Variants in CDK5RAP2 observed in about 807,000 individuals in gnomAD.
CDK5RAP2 encodes CDK5 regulatory subunit-associated protein 2.
CDK5RAP2 carries 147 observed loss-of-function variants against 232.9 expected under a neutral mutation model. That is an observed-to-expected ratio of 0.63 (90% CI 0.55 to 0.72). The LOEUF is 0.72. CDK5RAP2 is among the 30% of genes least tolerant of loss of function. The probability of loss-of-function intolerance (pLI) is 0.00; values close to 1 mark genes in which losing one functional copy is unlikely to be tolerated. For missense variants in CDK5RAP2, 2,195 were observed against 2,231.5 expected (o/e 0.98, Z 0.33); for synonymous variants, 833 against 833.7 (o/e 1.00, Z 0.01).
intron 21 of CDK5RAP2, among the ~76,000 whole-genome samples, chr9:120,450,925 C>G (rs1041866870): frequency 7.2e-5 from 11 of 152,132 alleles, no homozygotes; most frequent in African/African-American, 1.9e-4. Flanking sequence ...AGAGCAGGTT[C>G]AAGGATAAGA....
At chr9:120,517,288 T>A (rs1356033843) in intron 12 of CDK5RAP2, among the ~76,000 whole-genome samples, 1 of 152,210 alleles carries the variant, frequency 6.6e-6, no homozygotes, top group Non-Finnish European at 1.5e-5. Flanking sequence ...ATACAAACAT[T>A]TGCATTTCAA....
chr9:120,506,888 T>C (rs985506145), intron 12 of CDK5RAP2, among the ~76,000 whole-genome samples: 1 of 152,210 alleles, frequency 6.6e-6, no homozygotes, highest in Non-Finnish European at 1.5e-5. Context: ...CTTAGAATAT[T>C]ATGTAAACTT....
At chr9:120,420,029 G>A (rs2034473946) in intron 26 of CDK5RAP2, 69 bp from the exon 27 acceptor site, 2 of 1,229,080 alleles carry the variant, frequency 1.6e-6, no homozygotes, top group South Asian at 1.2e-5. Context: ...TATGACTTAC[G>A]AATACTTACG....
chr9:120,519,501 C>G lies in CDK5RAP2; in HGVS notation c.1093-856G>C, dbSNP rs181591945. ...GGTATATGAAGACAGATTACTCAGG[C>G]ATAAATGCCTCAGAACAAAAACTAT... On this transcript the variant is annotated intron_variant, in intron 11 of 37. Coordinates refer to ENST00000349780, the MANE Select transcript of CDK5RAP2 (RefSeq NM_018249.6). Among the ~76,000 whole-genome samples, 5 of 152,234 alleles carry G rather than the reference C, an allele frequency of 3.3e-5. No homozygotes were observed. The East Asian group carries it at 9.6e-4, about 29-fold the overall frequency.
intron 24 of CDK5RAP2, among the ~76,000 whole-genome samples, chr9:120,438,751 G>A (rs2035727643): frequency 2.0e-5 from 3 of 152,276 alleles, no homozygotes; most frequent in African/African-American, 7.2e-5. Context: ...GGGAAGTCTT[G>A]AAAAATTCAT....
At chr9:120,417,630 C>T (rs989633967) in intron 27 of CDK5RAP2, among the ~76,000 whole-genome samples, 3 of 152,228 alleles carry the variant, frequency 2.0e-5, no homozygotes, top group Non-Finnish European at 4.4e-5. Flanking sequence ...AGGAAACATT[C>T]CCAGTTGAAC....
intron 6 of CDK5RAP2, among the ~76,000 whole-genome samples, chr9:120,538,590 A>G (rs964753726): frequency 1.3e-5 from 2 of 152,166 alleles, no homozygotes; most frequent in Admixed American, 6.5e-5. Flanking sequence ...GTGGTAGCCT[A>G]AAGGTCAGAG....
Position 120,539,132 on chromosome 9 carries a change from C to A in CDK5RAP2, c.416G>T (p.Gly139Val), listed in dbSNP as rs2041520122. 6.2e-7 allele frequency: 1 copy of A among 1,613,842 alleles called. No individual in the cohort carries two copies. The highest frequency in any genetic ancestry group is 2.2e-5 in the East Asian group (1 of 44,894). Residue 139 changes from glycine to valine, a missense_variant, in exon 6 of 38, where the codon GGC becomes GTC. By Grantham distance (109) the Gly-to-Val change is moderately radical. Transcript: ENST00000349780. Reference sequence around the variant, plus strand: ...TTCTTTCACCCGCTGGATTTCAGAGCCACCTGCTTCAGCTAAGCTCTCAAC... The same window carrying A: ...TTCTTTCACCCGCTGGATTTCAGAGACACCTGCTTCAGCTAAGCTCTCAAC... Reference protein sequence around the residue: ...KAVESLAEAGGSEIQRVKEDA... With the variant: ...KAVESLAEAGVSEIQRVKEDA...
At chr9:120,557,573 T>C (rs1414038208) in intron 3 of CDK5RAP2, among the ~76,000 whole-genome samples, 3 of 151,990 alleles carry the variant, frequency 2.0e-5, no homozygotes, top group African/African-American at 4.8e-5. Flanking sequence ...CTGGACAACA[T>C]GGCGAAACCA....
chr9:120,521,011 GATAC>G (rs2040626611), intron 11 of CDK5RAP2, among the ~76,000 whole-genome samples: 1 of 151,786 alleles, frequency 6.6e-6, no homozygotes, highest in Non-Finnish European at 1.5e-5. Context: ...TATATCATAT[GATAC>G]ATAAAGTGCC....
intron 5 of CDK5RAP2, among the ~76,000 whole-genome samples, chr9:120,539,984 A>C (rs1164269880): frequency 6.6e-6 from 1 of 152,248 alleles, no homozygotes; most frequent in Non-Finnish European, 1.5e-5. Context: ...TTTTAAATGC[A>C]TCAGGATCAA....
chr9:120,507,929 AAAAAAAAAAAAAAATAT>A (rs1413848169), intron 12 of CDK5RAP2, among the ~76,000 whole-genome samples: 1 of 71,772 alleles, frequency 1.4e-5, no homozygotes, highest in Admixed American at 1.7e-4. Flanking sequence ...AAAAAAAAAA[AAAAAAAAAAAAAAATAT>A]ATATATATAT....
intron 23 of CDK5RAP2, among the ~76,000 whole-genome samples, chr9:120,443,299 A>G (rs2036000546): frequency 1.3e-5 from 2 of 152,072 alleles, no homozygotes; most frequent in South Asian, 4.2e-4. Context: ...GTCTCCTCCG[A>G]GCTGTGGGGT....
chr9:120,408,213 T>G (rs2033609085), intron 31 of CDK5RAP2, 134 bp downstream of exon 31: 2 of 998,350 alleles, frequency 2.0e-6, no homozygotes, highest in South Asian at 2.6e-5. Flanking sequence ...AGAGCTAGCT[T>G]CAACACCCAT....
intron 1 of CDK5RAP2, among the ~76,000 whole-genome samples, chr9:120,579,338 T>G (rs2043155241): frequency 6.6e-6 from 1 of 152,218 alleles, no homozygotes; most frequent in African/African-American, 2.4e-5. Context: ...GTTGGGTGGA[T>G]ATTACTAGCC....
At chr9:120,547,329 C>G (rs894435752) in intron 4 of CDK5RAP2, among the ~76,000 whole-genome samples, 4 of 151,934 alleles carry the variant, frequency 2.6e-5, no homozygotes, top group African/African-American at 9.7e-5. Context: ...CCAGGCCGGG[C>G]GCAGTGGTTC....
At chr9:120,408,062 T>C (rs2033598961) in intron 31 of CDK5RAP2, 1 of 455,674 alleles carries the variant, frequency 2.2e-6, no homozygotes, top group Non-Finnish European at 4.1e-6. Flanking sequence ...GAGATAGGTA[T>C]GGGCTCAAAG....
rs138309325 is a variant in CDK5RAP2 at position 120,447,905 on chromosome 9, C to T, written c.3015G>A (p.Thr1005=). Residue 1005 remains threonine, a synonymous_variant, in exon 22 of 38, where the codon ACG becomes ACA. Coordinates refer to ENST00000349780, the MANE Select transcript of CDK5RAP2 (RefSeq NM_018249.6). ...TTTCTTGGTGCTTACCATTCAGCAACGTTTTGTCGGGCGTTGGCCTCCCCT... is the reference window on the plus strand; with the variant it reads ...TTTCTTGGTGCTTACCATTCAGCAATGTTTTGTCGGGCGTTGGCCTCCCCT... The part of the protein sequence containing the change: ...VMEGRPTPDK[T]LLNAQPPVGA... 70 of 1,613,546 alleles carry T rather than the reference C, an allele frequency of 4.3e-5. No homozygotes were observed. In the African/African-American group the frequency reaches 8.1e-4, roughly 19 times the overall value.
intron 14 of CDK5RAP2, among the ~76,000 whole-genome samples, chr9:120,481,405 CTAACA>C (rs769725292): frequency 2.6e-5 from 4 of 151,778 alleles, no homozygotes; most frequent in South Asian, 2.1e-4. Flanking sequence ...TCTTGAGCAC[CTAACA>C]TGAGAGGCAG....
Sources: gnomAD v4.1 joint callset for allele counts (sites outside exome capture counted in the v4.1 genomes callset) on GRCh38, gnomAD v4.1.1 for gene constraint, MANE v1.5 for transcripts, NCBI Gene and HGNC (gene_info 2026-07-23, HGNC 2026-07-21) for gene names.